ANXA8: variants seen among roughly 807,000 people sequenced by gnomAD.
The protein encoded by ANXA8 is VAC-beta.
Under a neutral mutation model 26.8 loss-of-function variants are expected in ANXA8, and 9 were observed. That is an observed-to-expected ratio of 0.34 (90% CI 0.20 to 0.59). The LOEUF (loss-of-function observed/expected upper bound fraction) is 0.59, where lower values mean the gene tolerates loss of function less well. ANXA8 is among the 20% of genes least tolerant of loss of function. ANXA8 has a pLI of 0.84. For missense variants in ANXA8, 83 were observed against 238.5 expected, an observed-to-expected ratio of 0.35 and a Z score of 4.29; for synonymous variants, 39 against 94.8, an observed-to-expected ratio of 0.41 and a Z score of 3.42.
chr10:47,727,412 A>G, the ANXA8 span, among the ~76,000 whole-genome samples: 1 of 152,230 alleles, frequency 6.6e-6, no homozygotes, highest in Non-Finnish European at 1.5e-5. Context: ...CAGATCCTCT[A>G]AGCTGATGAG....
chr10:47,488,500 T>C (rs1840085181), upstream of ANXA8, among the ~76,000 whole-genome samples: 1 of 150,716 alleles, frequency 6.6e-6, no homozygotes. Flanking sequence ...CGTGAGCCAC[T>C]GCACCTGGCC....
the ANXA8 span, among the ~76,000 whole-genome samples, chr10:47,660,403 CTT>C: frequency 2.0e-5 from 3 of 147,276 alleles, no homozygotes; most frequent in Non-Finnish European, 4.5e-5. Flanking sequence ...TTCTTTCTTT[CTT>C]TTTTTTTTTT....
chr10:47,560,164 C>A, the ANXA8 span, among the ~76,000 whole-genome samples: 1 of 151,776 alleles, frequency 6.6e-6, no homozygotes, highest in Non-Finnish European at 1.5e-5. Flanking sequence ...TTAGTAACAT[C>A]TATTTCTAGA....
the ANXA8 span, among the ~76,000 whole-genome samples, chr10:47,640,075 A>T: frequency 2.3e-4 from 33 of 140,840 alleles, no homozygotes; most frequent in African/African-American, 9.3e-4. Flanking sequence ...TACAGGTGTA[A>T]GCCACTGCAC....
the ANXA8 span, among the ~76,000 whole-genome samples, chr10:47,744,441 A>AGG: frequency 1.6e-4 from 1 of 6,360 alleles, no homozygotes; most frequent in African/African-American, 7.0e-4. Flanking sequence ...AGGGGGGAAG[A>AGG]GGGGGGGCCT....
At chr10:47,646,753 G>T in the ANXA8 span, among the ~76,000 whole-genome samples, 1 of 151,848 alleles carries the variant, frequency 6.6e-6, no homozygotes, top group Non-Finnish European at 1.5e-5. Context: ...CCCTAAAATA[G>T]CCCCACATAC....
the ANXA8 span, among the ~76,000 whole-genome samples, chr10:47,918,356 G>GGAGAGAGAGA: frequency 5.6e-5 from 1 of 17,744 alleles, no homozygotes; most frequent in African/African-American, 3.5e-4. Context: ...GGGGAGGGAG[G>GGAGAGAGAGA]GAGAGAGAGA....
At chr10:47,509,866 A>G in the ANXA8 span, among the ~76,000 whole-genome samples, 35 of 132,682 alleles carry the variant, frequency 2.6e-4, 3 homozygotes, top group South Asian at 8.6e-3. Flanking sequence ...GCATTGAAAA[A>G]CTAAGTTTCC....
the ANXA8 span, chr10:47,568,074 G>A: frequency 8.1e-6 from 4 of 493,584 alleles, no homozygotes; most frequent in African/African-American, 2.1e-5. Flanking sequence ...TTGCTCTGTC[G>A]CCCAGGCTGG....
chr10:47,949,922 A>T, the ANXA8 span, among the ~76,000 whole-genome samples: 2 of 150,686 alleles, frequency 1.3e-5, no homozygotes, highest in Non-Finnish European at 2.9e-5. Flanking sequence ...AATTATATAA[A>T]ATGAAAATGG....
the ANXA8 span, among the ~76,000 whole-genome samples, chr10:47,776,068 C>A: frequency 2.0e-5 from 3 of 152,054 alleles, no homozygotes; most frequent in Non-Finnish European, 4.4e-5. Flanking sequence ...GAGAGGGCGC[C>A]AGTTGGTGGA....
At chr10:47,502,301 C>T in the ANXA8 span, 1 of 1,602,166 alleles carries the variant, frequency 6.2e-7, no homozygotes, top group Non-Finnish European at 8.5e-7. Context: ...TCACGGGAGC[C>T]ATGTGCCAGC....
chr10:47,559,340 C>T, the ANXA8 span, among the ~76,000 whole-genome samples: 1 of 151,296 alleles, frequency 6.6e-6, no homozygotes, highest in Admixed American at 6.6e-5. Flanking sequence ...GTTGGCCAAG[C>T]TGGTCTCGAA....
the ANXA8 span, among the ~76,000 whole-genome samples, chr10:47,733,227 CT>C: frequency 1.3e-5 from 1 of 75,584 alleles, no homozygotes; most frequent in African/African-American, 5.4e-5. Flanking sequence ...CTTTCTCTTT[CT>C]TTCTCTCTTT....
At chr10:47,610,406 CT>C in the ANXA8 span, among the ~76,000 whole-genome samples, 1 of 141,676 alleles carries the variant, frequency 7.1e-6, no homozygotes. Context: ...ATAAAATAAA[CT>C]TTATTATATT....
At chr10:47,607,220 T>G in the ANXA8 span, among the ~76,000 whole-genome samples, 1 of 143,016 alleles carries the variant, frequency 7.0e-6, no homozygotes, top group Non-Finnish European at 1.5e-5. Flanking sequence ...TTATATTATT[T>G]TGACTGTTTG....
the ANXA8 span, among the ~76,000 whole-genome samples, chr10:47,756,648 A>G: frequency 0.019 from 2,758 of 147,540 alleles, no homozygotes; most frequent in African/African-American, 0.035. Flanking sequence ...GCTTACGGTG[A>G]CCCCAGATGT....
chr10:47,644,361 A>G, the ANXA8 span, among the ~76,000 whole-genome samples: 1 of 151,400 alleles, frequency 6.6e-6, no homozygotes, highest in Admixed American at 6.6e-5. Flanking sequence ...AAAGAGGCTA[A>G]GATTTTAGGT....
At chr10:47,959,115 G>GT in the ANXA8 span, among the ~76,000 whole-genome samples, 21 of 147,740 alleles carry the variant, frequency 1.4e-4, 2 homozygotes, top group African/African-American at 5.5e-4. Context: ...AGGCTGGGAG[G>GT]TAGGTGGCCT....
Sources: allele counts gnomAD v4.1 joint callset (sites outside exome capture counted in the v4.1 genomes callset), GRCh38; gene constraint gnomAD v4.1.1; transcripts MANE v1.5; gene names NCBI Gene and HGNC (gene_info 2026-07-23, HGNC 2026-07-21).